Variants in BCAT1 observed in about 807,000 individuals in gnomAD.
BCAT1 encodes branched chain amino acid transaminase 1, also known as branched-chain-amino-acid aminotransferase, cytosolic.
Under a neutral mutation model 52.4 loss-of-function variants are expected in BCAT1, and 48 were observed. The observed-to-expected ratio is 0.92, with a 90% CI of 0.73 to 1.16. The LOEUF (loss-of-function observed/expected upper bound fraction) is 1.16, where lower values mean the gene tolerates loss of function less well. Ranked by LOEUF, BCAT1 falls within the 50% of genes most tolerant of loss-of-function variation. The pLI is 0.00. For missense variants in BCAT1, 451 were observed against 457.1 expected (o/e 0.99, Z 0.12); for synonymous variants, 167 against 161.3 (o/e 1.04, Z -0.27).
At chr12:24,881,847 AG>A (rs1942509474) in intron 3 of BCAT1, among the ~76,000 whole-genome samples, 2 of 152,192 alleles carry the variant, frequency 1.3e-5, no homozygotes. Flanking sequence ...AATGCTGGAT[AG>A]TAGATAATCC....
chr12:24,834,444 T>G (rs1342931581), intron 8 of BCAT1: 4 of 984,514 alleles, frequency 4.1e-6, no homozygotes, highest in Non-Finnish European at 4.8e-6. Context: ...ACTATCTGTT[T>G]AATTCTTGTT....
At chr12:24,898,520 C>CTTTTTTTTTTTT (rs71448094) in intron 2 of BCAT1, among the ~76,000 whole-genome samples, 1,106 of 38,488 alleles carry the variant, frequency 0.029, 364 homozygotes, top group East Asian at 0.04. Flanking sequence ...TCAGTCAACA[C>CTTTTTTTTTTTT]TTTTTTTTTT....
intron 1 of BCAT1, among the ~76,000 whole-genome samples, chr12:24,922,401 A>C (rs183004013): frequency 5.0e-4 from 76 of 152,330 alleles, no homozygotes; most frequent in Non-Finnish European, 9.3e-4. Flanking sequence ...CTCATCCTAC[A>C]TCCGGCCCCT....
intron 1 of BCAT1, among the ~76,000 whole-genome samples, chr12:24,915,295 A>T (rs1206845503): frequency 6.6e-6 from 1 of 152,236 alleles, no homozygotes; most frequent in Non-Finnish European, 1.5e-5. Flanking sequence ...TGATATATAC[A>T]GAAATGATAT....
At chr12:24,938,762 A>G (rs1943805587) in intron 1 of BCAT1, among the ~76,000 whole-genome samples, 1 of 152,042 alleles carries the variant, frequency 6.6e-6, no homozygotes, top group Non-Finnish European at 1.5e-5. Context: ...GTCACCTCCC[A>G]ATAAAGCCTT....
intron 1 of BCAT1, among the ~76,000 whole-genome samples, chr12:24,915,399 T>C (rs1943392148): frequency 6.6e-6 from 1 of 152,170 alleles, no homozygotes; most frequent in Non-Finnish European, 1.5e-5. Context: ...AAAAAGGTTA[T>C]TTTTATTTTA....
chr12:24,849,546 G>C (rs565592693), intron 6 of BCAT1, among the ~76,000 whole-genome samples: 5 of 152,294 alleles, frequency 3.3e-5, no homozygotes, highest in Admixed American at 1.3e-4. Flanking sequence ...CTTACAAAGG[G>C]CCATGGGCTA....
intron 1 of BCAT1, among the ~76,000 whole-genome samples, chr12:24,907,145 C>T (rs1051364348): frequency 4.6e-5 from 7 of 152,184 alleles, no homozygotes; most frequent in African/African-American, 1.4e-4. Flanking sequence ...TCAGTCCTTT[C>T]GGACATCAGG....
intron 3 of BCAT1, among the ~76,000 whole-genome samples, chr12:24,891,656 G>T (rs1942840890): frequency 6.6e-6 from 1 of 151,956 alleles, no homozygotes; most frequent in South Asian, 2.1e-4. Flanking sequence ...AGTAATTTGA[G>T]AGTTTTTTTA....
At chr12:24,875,575 A>T (rs1170343608) in intron 5 of BCAT1, among the ~76,000 whole-genome samples, 1 of 152,216 alleles carries the variant, frequency 6.6e-6, no homozygotes, top group Non-Finnish European at 1.5e-5. Flanking sequence ...TGTATAGTGA[A>T]AGAGAACCAT....
chr12:24,848,216 T>A (rs2139457731), intron 6 of BCAT1, among the ~76,000 whole-genome samples: 1 of 152,344 alleles, frequency 6.6e-6, no homozygotes, highest in South Asian at 2.1e-4. Context: ...ATAGATTTTA[T>A]TATTTTAGAG....
At chr12:24,923,322 C>A (rs1943529676) in intron 1 of BCAT1, among the ~76,000 whole-genome samples, 2 of 152,332 alleles carry the variant, frequency 1.3e-5, no homozygotes, top group South Asian at 4.2e-4. Flanking sequence ...CTTTTCTACA[C>A]AGGAGTAGAC....
At chr12:24,881,253 A>C (rs201873689) in intron 4 of BCAT1, 48 bp downstream of exon 4, 198 of 1,344,436 alleles carry the variant, frequency 1.5e-4, no homozygotes, top group Admixed American at 4.3e-4. Flanking sequence ...CAACACCGTG[A>C]CCCGTTACAT....
Position 24,878,575 on chromosome 12 carries a change from T to C in BCAT1, c.465A>G (p.Ser155=). 2 of 1,612,138 alleles carry C rather than the reference T, an allele frequency of 1.2e-6. No individual in the cohort carries two copies. The highest frequency in any genetic ancestry group is 1.7e-6 in the Non-Finnish European group (2 of 1,178,500). Residue 155 remains serine, a synonymous_variant, in exon 5 of 11, where the codon TCA becomes TCG. Transcript: ENST00000261192. ...VKLDQEWVPY[S]TSASLYIRPT... ...GACGAATATACAGACTAGCAGATGT[T>C]GAATATGGGACCCATTCTTGATCCA... is the stretch of plus-strand genomic sequence containing the variant.
At position 24,817,528 on chromosome 12, in the gene BCAT1, C is replaced by T. The variant is rs1002130733; in HGVS notation, c.*480G>A. ...TCAAAAAACAGTGATGGGAGGAAAT[C>T]CAGTTTTAAAAGTCTTGATTTAAAA... On this transcript the variant is annotated 3_prime_UTR_variant, in exon 11 of 11. Coordinates refer to ENST00000261192, the MANE Select transcript of BCAT1 (RefSeq NM_005504.7). 1.3e-5 allele frequency: 2 copies of T among 156,622 alleles called. No individual in the cohort carries two copies. The highest frequency in any genetic ancestry group is 4.8e-5 in the African/African-American group (2 of 41,406). The allele number at this position is 156,622 out of a possible 1,614,324, so 9.7% of individuals were successfully genotyped here. A position where few individuals can be genotyped will look rare whatever the true frequency, so the allele number is the denominator to read the frequency against.
At chr12:24,891,415 G>A (rs1251726426) in intron 3 of BCAT1, among the ~76,000 whole-genome samples, 1 of 152,138 alleles carries the variant, frequency 6.6e-6, no homozygotes, top group Non-Finnish European at 1.5e-5. Context: ...CCCAGCCACT[G>A]ACAGCAACCG....
chr12:24,894,284 A>C lies in BCAT1; in HGVS notation c.270T>G (p.Tyr90Ter). 1 of 1,613,944 alleles carries C rather than the reference A, an allele frequency of 6.2e-7. No homozygotes were observed. Among genetic ancestry groups the C allele is most frequent in the Middle Eastern group, 1.6e-4 (1 of 6,062 alleles). ...SLHPGSSALH[Y>*]AVELFEGLKA... Reference sequence around the variant, plus strand: ...ATTCCCATGTACTTACTTCCACTGCATAGTGCAAAGCTGATGAGCCAGGGT... The same window carrying C: ...ATTCCCATGTACTTACTTCCACTGCCTAGTGCAAAGCTGATGAGCCAGGGT... The change falls in exon 3 of 11, where the codon TAT (tyrosine) becomes TAG (stop). Residue 90 changes from tyrosine (Y) to a stop codon, truncating the protein, a stop_gained. Transcript: ENST00000261192. LOFTEE classifies it high-confidence loss of function.
chr12:24,908,839 T>C (rs1943268112), intron 1 of BCAT1, among the ~76,000 whole-genome samples: 1 of 152,216 alleles, frequency 6.6e-6, no homozygotes, highest in Admixed American at 6.5e-5. Context: ...GTCCCTTGGT[T>C]GAGATTCGTT....
intron 5 of BCAT1, among the ~76,000 whole-genome samples, chr12:24,865,011 T>G (rs186723512): frequency 6.6e-6 from 1 of 152,332 alleles, no homozygotes; most frequent in East Asian, 1.9e-4. Flanking sequence ...CTCAGACAGC[T>G]TAGCATTTTA....
Sources: allele counts gnomAD v4.1 joint callset (sites outside exome capture counted in the v4.1 genomes callset), GRCh38; gene constraint gnomAD v4.1.1; transcripts MANE v1.5; gene names NCBI Gene and HGNC (gene_info 2026-07-23, HGNC 2026-07-21).